OTUD7A: variants seen among roughly 807,000 people sequenced by gnomAD.
The protein encoded by OTUD7A is OTU domain-containing protein 7A.
Under a neutral mutation model 65.7 loss-of-function variants are expected in OTUD7A, and 12 were observed. The ratio of observed to expected loss-of-function variants is 0.18; its 90% confidence interval spans 0.12 to 0.30. OTUD7A has a LOEUF of 0.30. Ranked by LOEUF, OTUD7A falls within the 10% of genes least tolerant of loss-of-function variation. The pLI is 1.00. For synonymous variants in OTUD7A, 641 were observed against 586.3 expected, an observed-to-expected ratio of 1.09 and a Z score of -1.35; for missense variants, 1,148 against 1,304.8, an observed-to-expected ratio of 0.88 and a Z score of 1.85.
Position 31,505,788 on chromosome 15 carries a change from C to T in OTUD7A, c.894-1970G>A, listed in dbSNP as rs375091756. Among the ~76,000 whole-genome samples the T allele has an allele frequency of 1.3e-4, 19 of 149,010 alleles. No homozygotes were observed. In the East Asian group the frequency reaches 3.7e-3, roughly 29 times the overall value. ...TTTTTGAGGTGGAGTCTCACTCTGTCGCCCAGGCTGGAGTGCAGTGGCATG... is the reference window on the plus strand; with the variant it reads ...TTTTTGAGGTGGAGTCTCACTCTGTTGCCCAGGCTGGAGTGCAGTGGCATG... On this transcript the variant is annotated intron_variant, in intron 8 of 12. Transcript: ENST00000307050.
chr15:31,620,056 T>C (rs1890728000), intron 3 of OTUD7A, among the ~76,000 whole-genome samples: 1 of 152,368 alleles, frequency 6.6e-6, no homozygotes, highest in African/African-American at 2.4e-5. Flanking sequence ...TCTGTTTATA[T>C]GCTGGATTAC....
At chr15:31,802,686 A>T (rs1451713519) in intron 1 of OTUD7A, among the ~76,000 whole-genome samples, 2 of 152,252 alleles carry the variant, frequency 1.3e-5, no homozygotes, top group African/African-American at 4.8e-5. Flanking sequence ...TGGGATTAAG[A>T]ACGCTTTGAG....
chr15:31,839,399 G>T (rs1897132092), intron 1 of OTUD7A, among the ~76,000 whole-genome samples: 1 of 152,214 alleles, frequency 6.6e-6, no homozygotes. Context: ...AGCACCTTGA[G>T]GGCCCTTGGA....
In OTUD7A at chr15:31,484,768, G is replaced by C. The variant is rs768618566; in HGVS notation, c.1372-44C>G. The C allele has an allele frequency of 7.0e-6, 11 of 1,574,986 alleles. No homozygotes were observed. Among genetic ancestry groups the C allele is most frequent in the Non-Finnish European group, 7.7e-6 (9 of 1,167,034 alleles). ...CCGGATCGAAGGTGGTTAGAGAAGA[G>C]CTGTCCACGCGCCAGCGAGGAAGAC... On this transcript the variant is annotated intron_variant, in intron 12 of 12. Transcript: ENST00000307050. The surrounding 1 kb of genome is among the most constrained non-coding windows in gnomAD (Gnocchi z 4.5).
chr15:31,517,151 A>G (rs559712008), intron 8 of OTUD7A, among the ~76,000 whole-genome samples: 2 of 152,234 alleles, frequency 1.3e-5, no homozygotes, highest in Non-Finnish European at 2.9e-5. Flanking sequence ...GACACCTGCC[A>G]GGTAAGAGAA....
At chr15:31,559,857 C>T (rs760974494) in intron 4 of OTUD7A, among the ~76,000 whole-genome samples, 1 of 152,228 alleles carries the variant, frequency 6.6e-6, no homozygotes, top group Non-Finnish European at 1.5e-5. Context: ...TACACATGCA[C>T]ACCCATATTC....
intron 1 of OTUD7A, among the ~76,000 whole-genome samples, chr15:31,698,626 T>TA (rs2141325467): frequency 6.6e-6 from 1 of 151,126 alleles, no homozygotes; most frequent in South Asian, 2.1e-4. Context: ...CCTCTGCTAA[T>TA]AGCTTCATCT....
At position 31,484,584 on chromosome 15, in the gene OTUD7A, C is replaced by T. The variant is rs768716767; in HGVS notation, c.1512G>A (p.Glu504=). 38 of 1,610,328 alleles carry T rather than the reference C, an allele frequency of 2.4e-5. No individual in the cohort carries two copies. The highest frequency in any genetic ancestry group is 2.9e-5 in the Non-Finnish European group (34 of 1,179,246). The change falls in exon 13 of 13, where the codon GAG becomes GAA. Residue 504 remains glutamate, a synonymous_variant. Coordinates refer to ENST00000307050, the MANE Select transcript of OTUD7A (RefSeq NM_001382637.1). The surrounding 1 kb of genome is among the most constrained non-coding windows in gnomAD (Gnocchi z 4.5). ...SNNGKNGKDK[E]KEKQRKEKDK... is the part of the protein sequence containing the mutation. ...CCTTCTCCTTGCGCTGCTTCTCCTT[C>T]TCCTTGTCCTTGCCGTTCTTGCCGT...
intron 3 of OTUD7A, among the ~76,000 whole-genome samples, chr15:31,621,583 A>C (rs1268701614): frequency 7.2e-6 from 1 of 138,214 alleles, no homozygotes; most frequent in African/African-American, 3.0e-5. Flanking sequence ...CTAGGATTGC[A>C]ACCCCTACCT....
At chr15:31,851,277 G>A (rs184763799) in intron 1 of OTUD7A, among the ~76,000 whole-genome samples, 140 of 152,296 alleles carry the variant, frequency 9.2e-4, no homozygotes, top group African/African-American at 3.3e-3. Context: ...AAGAGAGCTG[G>A]AAGAACAGGT....
intron 3 of OTUD7A, among the ~76,000 whole-genome samples, chr15:31,591,841 G>T (rs1889734463): frequency 6.6e-6 from 1 of 152,152 alleles, no homozygotes; most frequent in African/African-American, 2.4e-5. Flanking sequence ...ACATCACCAA[G>T]GCACTTACAC....
At chr15:31,816,120 G>A (rs1478458553) in intron 1 of OTUD7A, among the ~76,000 whole-genome samples, 1 of 152,192 alleles carries the variant, frequency 6.6e-6, no homozygotes, top group Non-Finnish European at 1.5e-5. Context: ...ATGCTGCTTT[G>A]AGGGCTCCGG....
intron 1 of OTUD7A, among the ~76,000 whole-genome samples, chr15:31,718,114 C>A (rs1213712354): frequency 1.3e-5 from 2 of 152,196 alleles, no homozygotes; most frequent in Non-Finnish European, 2.9e-5. Context: ...TGTGAACCAC[C>A]TCAGGGACAA....
At chr15:31,533,618 A>C (rs1887705743) in intron 5 of OTUD7A, among the ~76,000 whole-genome samples, 1 of 152,216 alleles carries the variant, frequency 6.6e-6, no homozygotes. Flanking sequence ...TTCAGTAATA[A>C]GCAAGGAGAT....
At chr15:31,664,598 T>C (rs2141288565) in intron 1 of OTUD7A, among the ~76,000 whole-genome samples, 1 of 152,332 alleles carries the variant, frequency 6.6e-6, no homozygotes, top group Non-Finnish European at 1.5e-5. Flanking sequence ...TTTCTCCCAC[T>C]CTGTGGGGTA....
chr15:31,634,693 G>A (rs12913322), intron 3 of OTUD7A, among the ~76,000 whole-genome samples: 25,987 of 152,258 alleles, frequency 0.17, 2,478 homozygotes, highest in East Asian at 0.25. Flanking sequence ...CTGCACCAGG[G>A]CATGAGTGCC....
intron 1 of OTUD7A, among the ~76,000 whole-genome samples, chr15:31,681,522 A>C (rs923784611): frequency 5.3e-5 from 8 of 151,720 alleles, no homozygotes; most frequent in African/African-American, 1.9e-4. Context: ...TTGTGTGCAT[A>C]TCTACCCGTA....
intron 1 of OTUD7A, among the ~76,000 whole-genome samples, chr15:31,835,283 CAT>C (rs1477058460): frequency 1.3e-5 from 2 of 152,196 alleles, no homozygotes; most frequent in Non-Finnish European, 2.9e-5. Context: ...TTAGTATAAC[CAT>C]GTCCCATGTA....
intron 3 of OTUD7A, among the ~76,000 whole-genome samples, chr15:31,637,470 A>G (rs1284766934): frequency 6.6e-6 from 1 of 152,242 alleles, no homozygotes; most frequent in Non-Finnish European, 1.5e-5. Flanking sequence ...AAGATGTACA[A>G]GATCAATGTT....
Sources: allele counts gnomAD v4.1 joint callset (sites outside exome capture counted in the v4.1 genomes callset), GRCh38; gene constraint gnomAD v4.1.1; non-coding constraint Gnocchi (gnomAD v3.1); transcripts MANE v1.5; gene names NCBI Gene and HGNC (gene_info 2026-07-23, HGNC 2026-07-21).